Variants in TOX3 observed in about 807,000 individuals in gnomAD.
TOX3 encodes TOX high mobility group box family member 3, also known as CAG trinucleotide repeat-containing gene F9 protein.
TOX3 carries 22 observed loss-of-function variants against 64.3 expected under a neutral mutation model. The ratio of observed to expected loss-of-function variants is 0.34; its 90% confidence interval spans 0.24 to 0.49. TOX3 has a LOEUF of 0.49. Ranked by LOEUF, TOX3 falls within the 20% of genes least tolerant of loss-of-function variation. The pLI, the probability that TOX3 is intolerant of heterozygous loss-of-function variation, is 0.99. For missense variants in TOX3, 661 were observed against 714.4 expected, an observed-to-expected ratio of 0.93 and a Z score of 0.85; for synonymous variants, 291 against 273.6, an observed-to-expected ratio of 1.06 and a Z score of -0.63.
At chr16:52,497,782 G>GTT (rs913445072) in intron 1 of TOX3, among the ~76,000 whole-genome samples, 1 of 151,324 alleles carries the variant, frequency 6.6e-6, no homozygotes, top group African/African-American at 2.4e-5. Context: ...AGCCAGTTGT[G>GTT]TTTTTTTTAA....
chr16:52,519,666 T>C (rs1047376322), intron 1 of TOX3: 20 of 1,272,810 alleles, frequency 1.6e-5, no homozygotes, highest in Middle Eastern at 4.6e-4. Flanking sequence ...AAGCAAGAAG[T>C]AGTAGAATGG....
rs1961513087 is a variant in TOX3, at chr16:52,485,719, A to G, written c.88-17145T>C. 2.6e-5 allele frequency among the ~76,000 whole-genome samples: 4 copies of G among 152,194 alleles called. No homozygotes were observed. The South Asian group carries it at 8.3e-4, about 31-fold the overall frequency. ...AAGAGTGAGCACTGGCAGATCAGTT[A>G]GGAAAATTGTGCCTCAGACCAGATG... On this transcript the variant is annotated intron_variant, in intron 1 of 6. Coordinates refer to ENST00000219746, the MANE Select transcript of TOX3 (RefSeq NM_001080430.4).
intron 1 of TOX3, among the ~76,000 whole-genome samples, chr16:52,511,424 G>A (rs933061321): frequency 2.6e-5 from 4 of 152,122 alleles, no homozygotes; most frequent in South Asian, 2.1e-4. Flanking sequence ...CCTGGGAGGC[G>A]GAGGTTGCAG....
chr16:52,503,684 T>C (rs1040519412), intron 1 of TOX3, among the ~76,000 whole-genome samples: 2 of 152,238 alleles, frequency 1.3e-5, no homozygotes, highest in African/African-American at 4.8e-5. Context: ...GAAAATTCTA[T>C]AGAACTTGTT....
intron 1 of TOX3, among the ~76,000 whole-genome samples, chr16:52,530,453 C>A (rs1962826105): frequency 6.6e-6 from 1 of 151,996 alleles, no homozygotes; most frequent in African/African-American, 2.4e-5. Flanking sequence ...TCTCCGGCCT[C>A]AATCTCCCGA....
intron 1 of TOX3, among the ~76,000 whole-genome samples, chr16:52,490,445 C>A (rs1961648305): frequency 6.6e-6 from 1 of 151,918 alleles, no homozygotes; most frequent in Non-Finnish European, 1.5e-5. Flanking sequence ...ATTTATATTG[C>A]ATTGTTTAAA....
intron 1 of TOX3, among the ~76,000 whole-genome samples, chr16:52,527,569 A>G (rs1372499825): frequency 6.6e-6 from 1 of 152,206 alleles, no homozygotes; most frequent in Non-Finnish European, 1.5e-5. Context: ...AAAGAGGGAG[A>G]TGGAAAAAGA....
At chr16:52,536,830 C>T (rs539855185) in intron 1 of TOX3, among the ~76,000 whole-genome samples, 3 of 150,436 alleles carry the variant, frequency 2.0e-5, no homozygotes, top group Admixed American at 2.0e-4. Context: ...GCTGGAAGTG[C>T]AGTGGTGTGT....
rs371471795 is a variant in TOX3, at chr16:52,450,432, T to G, written c.523A>C (p.Thr175Pro). The change falls in exon 4 of 7, where the codon ACC becomes CCC. Residue 175 changes from threonine to proline, a missense_variant. By Grantham distance (38) the Thr-to-Pro change is conservative. Transcript: ENST00000219746. ...RSGVMPPAQL[T>P]TINQSQLSAQ... is the part of the protein sequence containing the mutation. ...CTGAGCTGAGACTGGTTGATGGTGG[T>G]GAGCTGGGCAGGAGGCATGACCCCA... The G allele has an allele frequency of 9.3e-6, 15 of 1,613,922 alleles. No individual in the cohort carries two copies. Among genetic ancestry groups the G allele is most frequent in the Non-Finnish European group, 1.3e-5 (15 of 1,179,862 alleles).
chr16:52,501,048 G>T (rs144907795), intron 1 of TOX3, among the ~76,000 whole-genome samples: 12 of 152,240 alleles, frequency 7.9e-5, no homozygotes, highest in Non-Finnish European at 1.5e-4. Flanking sequence ...CATATAACTT[G>T]CCATGTGCCA....
chr16:52,517,181 A>G (rs1239306387), intron 1 of TOX3, among the ~76,000 whole-genome samples: 1 of 152,164 alleles, frequency 6.6e-6, no homozygotes, highest in Non-Finnish European at 1.5e-5. Flanking sequence ...CCAACATTCA[A>G]TCGAATTTAA....
chr16:52,516,514 C>A (rs1962461476), intron 1 of TOX3, among the ~76,000 whole-genome samples: 1 of 152,174 alleles, frequency 6.6e-6, no homozygotes, highest in African/African-American at 2.4e-5. Flanking sequence ...ATCTTTTTCA[C>A]TAAAATATAC....
At chr16:52,486,721 C>A (rs1480497285) in intron 1 of TOX3, among the ~76,000 whole-genome samples, 1 of 152,098 alleles carries the variant, frequency 6.6e-6, no homozygotes, top group African/African-American at 2.4e-5. Flanking sequence ...CAGCTGAGCC[C>A]TGGAGTTCGA....
Position 52,463,977 on chromosome 16 carries a change from A to T in TOX3, c.365T>A (p.Leu122His). ...DLPSITISRN[L>H]VEQDGVLHSS... ...ATGAAGCACGCCATCTTGTTCCACG[A>T]GATTTCTTGAGATTGTAATGGAAGG... The change falls in exon 3 of 7, where the codon CTC becomes CAC. Residue 122 changes from leucine to histidine, a missense_variant. Physicochemically the swap from Leu to His is moderately conservative, Grantham distance 99 (BLOSUM62 -3). Transcript: ENST00000219746. The T allele has an allele frequency of 1.9e-6, 3 of 1,590,818 alleles. No individual in the cohort carries two copies. The highest frequency in any genetic ancestry group is 2.6e-6 in the Non-Finnish European group (3 of 1,167,386).
At chr16:52,494,806 G>A (rs184262017) in intron 1 of TOX3, among the ~76,000 whole-genome samples, 9 of 152,350 alleles carry the variant, frequency 5.9e-5, no homozygotes, top group African/African-American at 1.7e-4. Flanking sequence ...CTGATTATAT[G>A]ATTCTAGAGG....
At chr16:52,491,276 A>G (rs1961678548) in intron 1 of TOX3, among the ~76,000 whole-genome samples, 1 of 151,580 alleles carries the variant, frequency 6.6e-6, no homozygotes, top group Non-Finnish European at 1.5e-5. Context: ...TTAACATCCA[A>G]TGGGGTGAGC....
At chr16:52,489,152 C>T (rs1961607390) in intron 1 of TOX3, among the ~76,000 whole-genome samples, 1 of 152,102 alleles carries the variant, frequency 6.6e-6, no homozygotes, top group Non-Finnish European at 1.5e-5. Flanking sequence ...TTTGGTTTGG[C>T]TCTGTCAATT....
intron 1 of TOX3, among the ~76,000 whole-genome samples, chr16:52,536,883 A>G (rs909381133): frequency 6.6e-6 from 1 of 151,008 alleles, no homozygotes; most frequent in Non-Finnish European, 1.5e-5. Context: ...GTATATATAC[A>G]CATGTGTGCA....
intron 3 of TOX3, among the ~76,000 whole-genome samples, chr16:52,456,130 T>C (rs1960509653): frequency 6.6e-6 from 1 of 152,186 alleles, no homozygotes; most frequent in Admixed American, 6.5e-5. Flanking sequence ...AGGTTTATTG[T>C]CTGGGTTAGG....
Sources: allele counts gnomAD v4.1 joint callset (sites outside exome capture counted in the v4.1 genomes callset), GRCh38; gene constraint gnomAD v4.1.1; transcripts MANE v1.5; gene names NCBI Gene and HGNC (gene_info 2026-07-23, HGNC 2026-07-21).